FAP: variants seen among roughly 807,000 people sequenced by gnomAD.
The protein encoded by FAP is prolyl endopeptidase FAP.
A neutral mutation model predicts 126.5 loss-of-function variants in FAP; 110 were observed. That is an observed-to-expected ratio of 0.87 (90% CI 0.74 to 1.02). The LOEUF (loss-of-function observed/expected upper bound fraction) is 1.02. Among genes scored for constraint, FAP ranks in the 50% least tolerant of loss-of-function variants. The pLI is 0.00. For missense variants in FAP, 919 were observed against 909.2 expected, an observed-to-expected ratio of 1.01 and a Z score of -0.14; for synonymous variants, 334 against 297.3, an observed-to-expected ratio of 1.12 and a Z score of -1.27.
chr2:162,223,628 G>A lies in FAP; in HGVS notation c.393C>T (p.Tyr131=), dbSNP rs1689505289. The change falls in exon 6 of 26, where the codon TAC becomes TAT. Residue 131 remains tyrosine, a synonymous_variant. Transcript: ENST00000188790. ...LWRYSYTATY[Y]IYDLSNGEFV... The stretch of plus-strand genomic sequence containing the variant: ...TTTACCCATTGCTAAGGTCATAGAT[G>A]TAATATGTTGCTGTGTAAGAGTATC... 2 of 1,607,744 alleles carry A rather than the reference G, an allele frequency of 1.2e-6. No homozygotes were observed.
At chr2:162,234,893 A>G (rs1690047087) in intron 2 of FAP, among the ~76,000 whole-genome samples, 1 of 151,568 alleles carries the variant, frequency 6.6e-6, no homozygotes, top group South Asian at 2.1e-4. Flanking sequence ...GCTGCACCCC[A>G]CGCTTGCCGG....
chr2:162,178,826 C>T (rs574040036), intron 21 of FAP, among the ~76,000 whole-genome samples: 4 of 152,282 alleles, frequency 2.6e-5, no homozygotes, highest in East Asian at 3.9e-4. Flanking sequence ...TATATTCTTC[C>T]CTAATACAAA....
intron 12 of FAP, among the ~76,000 whole-genome samples, chr2:162,207,218 G>T (rs1688737428): frequency 6.6e-6 from 1 of 152,090 alleles, no homozygotes; most frequent in South Asian, 2.1e-4. Flanking sequence ...ATTGTGGCCA[G>T]ACTTTTTCAA....
rs1293162163 is a variant in FAP at position 162,219,146 on chromosome 2, CT to C, written c.523del (p.Arg175AspfsTer9). The C allele has an allele frequency of 6.2e-7, 1 of 1,607,580 alleles. No homozygotes were observed. Among genetic ancestry groups the C allele is most frequent in the Non-Finnish European group, 8.5e-7 (1 of 1,176,600 alleles). On this transcript the variant is annotated frameshift_variant, in exon 8 of 26. Coordinates refer to ENST00000188790, the MANE Select transcript of FAP (RefSeq NM_004460.5). LOFTEE classifies it high-confidence loss of function. ...VYQNNIYLKQRPGDPPFQITF... is the reference protein window; with the variant it reads ...VYQNNIYLKQXPGDPPFQITF... ...TATTTGAAAAGGTGGATCTCCTGGTCTTTGTTTCAAATAGATATTGTTTTGA... is the reference window on the plus strand; with the variant it reads ...TATTTGAAAAGGTGGATCTCCTGGTCTTGTTTCAAATAGATATTGTTTTGA...
At chr2:162,240,774 C>T (rs532917844) in intron 2 of FAP, among the ~76,000 whole-genome samples, 5 of 152,136 alleles carry the variant, frequency 3.3e-5, no homozygotes, top group Non-Finnish European at 7.3e-5. Flanking sequence ...AGTAGGAGCT[C>T]GCTTAGCTTT....
chr2:162,193,886 A>G (rs989259044), intron 17 of FAP: 3 of 152,152 alleles, frequency 2.0e-5, no homozygotes, highest in Non-Finnish European at 4.4e-5. Context: ...AATCGCAGGC[A>G]TGAGTGCTGA....
At chr2:162,212,136 C>T (rs79046650) in intron 11 of FAP, among the ~76,000 whole-genome samples, 1,716 of 152,258 alleles carry the variant, frequency 0.011, 15 homozygotes, top group Non-Finnish European at 0.016. Flanking sequence ...ATTGAATGAG[C>T]ATCTTAAATG....
chr2:162,221,132 G>A (rs1055570777), intron 6 of FAP, among the ~76,000 whole-genome samples: 1 of 152,102 alleles, frequency 6.6e-6, no homozygotes, highest in African/African-American at 2.4e-5. Context: ...TGATTCCCAT[G>A]GAAAGTGACC....
intron 20 of FAP, among the ~76,000 whole-genome samples, chr2:162,186,659 T>A (rs1204418333): frequency 1.3e-5 from 2 of 152,132 alleles, no homozygotes; most frequent in East Asian, 3.9e-4. Flanking sequence ...TTGGAAAAGA[T>A]CTAAATAAAT....
At chr2:162,186,221 G>A (rs977015385) in intron 20 of FAP, among the ~76,000 whole-genome samples, 3 of 152,090 alleles carry the variant, frequency 2.0e-5, no homozygotes, top group African/African-American at 7.2e-5. Context: ...TATTTGCTAT[G>A]TTGTTGAATG....
At chr2:162,175,676 C>T (rs537121861) in intron 21 of FAP, 1 of 152,276 alleles carries the variant, frequency 6.6e-6, no homozygotes, top group Admixed American at 6.6e-5. Flanking sequence ...GTAAGTTTAG[C>T]TCTCATAGAT....
Position 162,175,015 on chromosome 2 carries a change from T to G in FAP, c.1870-49A>C, listed in dbSNP as rs1687436448. Reference sequence around the variant, plus strand: ...AGACTCAGATTTACTTTCATAAGCTTTCCTCCATATGTTTATAGCAACTCT... The same window carrying G: ...AGACTCAGATTTACTTTCATAAGCTGTCCTCCATATGTTTATAGCAACTCT... On this transcript the variant is annotated intron_variant, in intron 21 of 25. Coordinates refer to ENST00000188790, the MANE Select transcript of FAP (RefSeq NM_004460.5). 8 of 1,327,298 alleles carry G rather than the reference T, an allele frequency of 6.0e-6. No individual in the cohort carries two copies. The East Asian group carries it at 1.9e-4, about 31-fold the overall frequency. 82.2% of individuals were successfully genotyped at this position (1,327,298 alleles called of 1,614,324 possible). A position where few individuals can be genotyped will look rare whatever the true frequency, so the allele number is the denominator to read the frequency against.
chr2:162,190,083 C>A (rs1283412387), intron 17 of FAP, among the ~76,000 whole-genome samples: 2 of 151,902 alleles, frequency 1.3e-5, no homozygotes, highest in East Asian at 1.9e-4. Flanking sequence ...AAGCCATGAC[C>A]TAAGCAGGTG....
chr2:162,236,533 T>C (rs1690137572), intron 2 of FAP, among the ~76,000 whole-genome samples: 1 of 152,160 alleles, frequency 6.6e-6, no homozygotes. Flanking sequence ...CTGTTTCTTC[T>C]TAAGTATTGG....
intron 21 of FAP, among the ~76,000 whole-genome samples, chr2:162,179,790 C>CAATCTATA (rs1553684066): frequency 8.7e-6 from 1 of 115,550 alleles, no homozygotes; most frequent in Non-Finnish European, 1.7e-5. Context: ...ATCTATCTAT[C>CAATCTATA]TATATATATA....
At chr2:162,208,449 A>G (rs1688795153) in intron 12 of FAP, among the ~76,000 whole-genome samples, 1 of 152,144 alleles carries the variant, frequency 6.6e-6, no homozygotes, top group Non-Finnish European at 1.5e-5. Context: ...TGTCAAAATA[A>G]ATGTTTATAG....
At chr2:162,224,138 TAC>T (rs1193568963) in intron 5 of FAP, among the ~76,000 whole-genome samples, 2 of 152,178 alleles carry the variant, frequency 1.3e-5, no homozygotes, top group Non-Finnish European at 2.9e-5. Flanking sequence ...TTTCTTTGAG[TAC>T]AGTTTTAAAA....
At chr2:162,192,774 T>A (rs1688098848) in intron 17 of FAP, among the ~76,000 whole-genome samples, 1 of 152,134 alleles carries the variant, frequency 6.6e-6, no homozygotes, top group African/African-American at 2.4e-5. Context: ...CAATGACTCC[T>A]CTATTTCAGT....
Position 162,219,170 on chromosome 2 carries a change from T to C in FAP, c.500A>G (p.Gln167Arg), listed in dbSNP as rs1333113316. ...TCTTTGTTTCAAATAGATATTGTTT[T>C]GATAGACATATGCCTAAAAGTGGTG... ...PVGSKLAYVY[Q>R]NNIYLKQRPG... The change falls in exon 8 of 26, where the codon CAA becomes CGA. Residue 167 changes from glutamine (Q) to arginine (R), a missense_variant. Coordinates refer to ENST00000188790, the MANE Select transcript of FAP (RefSeq NM_004460.5). 6.2e-7 allele frequency: 1 copy of C among 1,606,536 alleles called. No homozygotes were observed. The highest frequency in any genetic ancestry group is 8.5e-7 in the Non-Finnish European group (1 of 1,176,220).
Sources: allele counts gnomAD v4.1 joint callset (sites outside exome capture counted in the v4.1 genomes callset), GRCh38; gene constraint gnomAD v4.1.1; transcripts MANE v1.5; gene names NCBI Gene and HGNC (gene_info 2026-07-23, HGNC 2026-07-21).